Variants in MTSS2 observed in about 807,000 individuals in gnomAD.
MTSS2 encodes protein MTSS 2.
In MTSS2, 27 loss-of-function variants were observed where a neutral mutation model predicts 67.1. That is an observed-to-expected ratio of 0.40 (90% CI 0.30 to 0.55). The LOEUF (loss-of-function observed/expected upper bound fraction) is 0.55. Ranked by LOEUF, MTSS2 falls within the 20% of genes least tolerant of loss-of-function variation. MTSS2 has a pLI of 0.43. For missense variants in MTSS2, 1,171 were observed against 1,067.8 expected, an observed-to-expected ratio of 1.10 and a Z score of -1.35; for synonymous variants, 624 against 468.6, an observed-to-expected ratio of 1.33 and a Z score of -4.28.
Position 70,665,042 on chromosome 16 carries a change from T to A in MTSS2, c.1183A>T (p.Arg395Trp), listed in dbSNP as rs753511246. ...EQPSGATLQR[R>W]KDRVELLRDT... is the part of the protein sequence containing the mutation. ...CGCAGGAGCTCCACTCGGTCCTTCC[T>A]CCGCTGCAGAGTGGCGCCTGAGGGC... The change falls in exon 13 of 15, where the codon AGG becomes TGG. Residue 395 changes from arginine (R) to tryptophan (W), a missense_variant. Physicochemically the swap from Arg to Trp is moderately radical, Grantham distance 101 (BLOSUM62 -3). Transcript: ENST00000338779. 4 of 1,597,496 alleles carry A rather than the reference T, an allele frequency of 2.5e-6. No individual in the cohort carries two copies. The South Asian group carries it at 4.4e-5, about 18-fold the overall frequency.
chr16:70,678,489 G>A, intron 7 of MTSS2, 80 bp from the exon 8 acceptor site: 2 of 1,507,128 alleles, frequency 1.3e-6, no homozygotes, highest in African/African-American at 1.4e-5. Context: ...AGACCCTGGT[G>A]GTGGCATCTC....
chr16:70,671,389 G>A (rs371157619), intron 11 of MTSS2, among the ~76,000 whole-genome samples: 74 of 149,640 alleles, frequency 4.9e-4, no homozygotes, highest in Non-Finnish European at 6.8e-4. Context: ...GCAATGGAGC[G>A]AGAGTCTGTG....
At position 70,664,252 on chromosome 16, in the gene MTSS2, C is replaced by A; in HGVS notation, c.1669G>T (p.Ala557Ser). The A allele has an allele frequency of 2.6e-6, 4 of 1,557,116 alleles. No individual in the cohort carries two copies. Among genetic ancestry groups the A allele is most frequent in the South Asian group, 2.4e-5 (2 of 82,378 alleles). The stretch of plus-strand genomic sequence containing the variant: ...CGGATGGTGGCCACGCCGGGGGGTG[C>A]GCCCGAGGGCAGGCCAGTGGCCGTG... Reference protein sequence around the residue: ...LPTATGLPSGAPPGVATIRRT... With the variant: ...LPTATGLPSGSPPGVATIRRT... The change falls in exon 15 of 15, where the codon GCA becomes TCA. Residue 557 changes from alanine to serine, a missense_variant. Coordinates refer to ENST00000338779, the MANE Select transcript of MTSS2 (RefSeq NM_138383.3).
Position 70,664,264 on chromosome 16 carries a change from G to A in MTSS2, c.1657C>T (p.Leu553=), listed in dbSNP as rs745578658. 6.4e-7 allele frequency: 1 copy of A among 1,558,332 alleles called. No individual in the cohort carries two copies. The change falls in exon 15 of 15, where the codon CTG becomes TTG. Residue 553 remains leucine, a synonymous_variant. Coordinates refer to ENST00000338779, the MANE Select transcript of MTSS2 (RefSeq NM_138383.3). The part of the protein sequence containing the change: ...PTAGLPTATG[L]PSGAPPGVAT... The stretch of plus-strand genomic sequence containing the variant: ...ACGCCGGGGGGTGCGCCCGAGGGCA[G>A]GCCAGTGGCCGTGGGCAGCCCCGCG...
intron 11 of MTSS2, among the ~76,000 whole-genome samples, chr16:70,670,003 G>A (rs1365031794): frequency 6.6e-6 from 1 of 152,154 alleles, no homozygotes; most frequent in Non-Finnish European, 1.5e-5. Flanking sequence ...AGGTGTGGTG[G>A]CTCATGCCTG....
Position 70,663,791 on chromosome 16 carries a change from T to TGGGGTGGGCGTCTCCTCCGTG in MTSS2, c.2109_2129dup (p.Thr704_Pro710dup), listed in dbSNP as rs757825656. 3.7e-5 allele frequency: 40 copies of TGGGGTGGGCGTCTCCTCCGTG among 1,095,526 alleles called. No individual in the cohort carries two copies. The highest frequency in any genetic ancestry group is 4.8e-5 in the Non-Finnish European group (39 of 806,770). 67.9% of individuals were successfully genotyped at this position (1,095,526 alleles called of 1,614,324 possible). The stretch of plus-strand genomic sequence containing the variant: ...GGGGGTCGCTGGTGGCGGCTGGGGG[T>TGGGGTGGGCGTCTCCTCCGTG]GGGGTGGGCGTCTCCTCCGTGGGGG... On this transcript the variant is annotated inframe_insertion, in exon 15 of 15. Transcript: ENST00000338779.
Position 70,662,723 on chromosome 16 carries a change from A to G in MTSS2, c.*954T>C, listed in dbSNP as rs3752786. ...CCCTGTATCGTCCCCTCTCCCCCAC[A>G]CTTAGTCCTCGTCCACAGTCAGCTC... On this transcript the variant is annotated 3_prime_UTR_variant, in exon 15 of 15. Transcript: ENST00000338779. The G allele has an allele frequency of 0.24, 36,839 of 151,928 alleles. 4,712 individuals carry two copies. Among genetic ancestry groups the G allele is most frequent in the African/African-American group, 0.33 (13,421 of 41,248 alleles). The allele number at this position is 151,928 out of a possible 1,614,324, so 9.4% of individuals were successfully genotyped here. A position where few individuals can be genotyped will look rare whatever the true frequency, so the allele number is the denominator to read the frequency against.
chr16:70,679,549 G>T, intron 6 of MTSS2, 81 bp downstream of exon 6: 1 of 1,449,378 alleles, frequency 6.9e-7, no homozygotes, highest in Non-Finnish European at 9.3e-7. Context: ...CTGGGATGAA[G>T]GCTTTGGGGC....
chr16:70,667,464 A>C (rs565002932), intron 11 of MTSS2, among the ~76,000 whole-genome samples: 6 of 152,272 alleles, frequency 3.9e-5, no homozygotes, highest in Non-Finnish European at 8.8e-5. Context: ...AAAACAACAC[A>C]AAACAAAAAA....
intron 11 of MTSS2, among the ~76,000 whole-genome samples, chr16:70,670,669 G>T (rs777419738): frequency 1.1e-4 from 16 of 152,136 alleles, no homozygotes; most frequent in Admixed American, 3.9e-4. Flanking sequence ...ATATATACAT[G>T]TAGAAAGGAT....
intron 11 of MTSS2, among the ~76,000 whole-genome samples, chr16:70,668,383 G>A (rs1415877247): frequency 6.6e-6 from 1 of 151,130 alleles, no homozygotes. Flanking sequence ...ACTCCAGCCT[G>A]GGGGACAGAG....
Position 70,676,978 on chromosome 16 carries a change from C to T in MTSS2, c.733G>A (p.Val245Ile). 2.5e-6 allele frequency: 4 copies of T among 1,613,106 alleles called. No individual in the cohort carries two copies. Among genetic ancestry groups the T allele is most frequent in the South Asian group, 1.1e-5 (1 of 90,938 alleles). Residue 245 changes from valine (V) to isoleucine (I), a missense_variant and splice_region_variant, in exon 10 of 15, where the codon GTA becomes ATA. Around this residue, in one of 2 missense-constraint regions of MTSS2, gnomAD observed 924 missense variants for 756.0 expected, o/e 1.22. Coordinates refer to ENST00000338779, the MANE Select transcript of MTSS2 (RefSeq NM_138383.3). ...TCCGAGCCCTTTAGGTCTTTGATTA[C>T]CTGGACAGGGACATGGATGGGGGTC... ...PHKLPPASEQ[V>I]IKDLKGSDYS... is the part of the protein sequence containing the mutation.
intron 4 of MTSS2, 38 bp downstream of exon 4, chr16:70,679,933 T>TCCCCCCC: frequency 8.7e-7 from 1 of 1,149,444 alleles, no homozygotes. Flanking sequence ...CGACGCCCCG[T>TCCCCCCC]CCCCCCGCCC....
chr16:70,681,665 G>T (rs573995991), intron 1 of MTSS2, among the ~76,000 whole-genome samples: 1 of 152,246 alleles, frequency 6.6e-6, no homozygotes, highest in African/African-American at 2.4e-5. Flanking sequence ...GGCCTTGTGC[G>T]GCCAACAGAG....
chr16:70,675,130 G>C (rs997944261), intron 10 of MTSS2, among the ~76,000 whole-genome samples: 9 of 149,758 alleles, frequency 6.0e-5, no homozygotes, highest in Non-Finnish European at 1.3e-4. Flanking sequence ...AAAGAAACAA[G>C]AAACAGTTGT....
At chr16:70,673,913 T>C (rs949143055) in intron 11 of MTSS2, among the ~76,000 whole-genome samples, 1 of 151,644 alleles carries the variant, frequency 6.6e-6, no homozygotes, top group African/African-American at 2.4e-5. Flanking sequence ...AGACGGGGAA[T>C]AAGAGAAAAG....
At chr16:70,679,453 C>A in intron 6 of MTSS2, 130 bp from the exon 7 acceptor site, 1 of 1,300,126 alleles carries the variant, frequency 7.7e-7, no homozygotes, top group African/African-American at 1.5e-5. Flanking sequence ...TAGGGAGGTT[C>A]TGGACCAGGT....
chr16:70,679,279 G>C (rs371956562), intron 7 of MTSS2, 36 bp downstream of exon 7: 22 of 1,612,606 alleles, frequency 1.4e-5, no homozygotes, highest in Non-Finnish European at 1.7e-5. Context: ...CGACAAGGAC[G>C]GGAGGAGCAG....
chr16:70,664,398 G>A lies in MTSS2; in HGVS notation c.1523C>T (p.Pro508Leu), dbSNP rs762268664. Residue 508 changes from proline to leucine, a missense_variant, in exon 15 of 15, where the codon CCG (proline) becomes CTG (leucine). Physicochemically the swap from Pro to Leu is moderately conservative, Grantham distance 98. This residue lies in a region of MTSS2 where 924 missense variants were observed against 756.0 expected (regional missense o/e 1.22). Coordinates refer to ENST00000338779, the MANE Select transcript of MTSS2 (RefSeq NM_138383.3). ...GGTGGATGACTTGTCAAACTCGGGC[G>A]GGCCCTCGCTGTCCGCATCCCCATT... is the stretch of plus-strand genomic sequence containing the variant. Reference protein sequence around the residue: ...SVNGDADSEGPPEFDKSSTIP... With the variant: ...SVNGDADSEGLPEFDKSSTIP... 2.6e-5 allele frequency: 40 copies of A among 1,559,804 alleles called. No homozygotes were observed. Among genetic ancestry groups the A allele is most frequent in the South Asian group, 3.7e-5 (3 of 80,244 alleles).
Sources: allele counts gnomAD v4.1 joint callset (sites outside exome capture counted in the v4.1 genomes callset), GRCh38; gene constraint gnomAD v4.1.1; regional missense constraint gnomAD v4.1.1; transcripts MANE v1.5; gene names NCBI Gene and HGNC (gene_info 2026-07-23, HGNC 2026-07-21).